Variants in LARP1B observed in about 807,000 individuals in gnomAD.
LARP1B encodes the protein La ribonucleoprotein 1B.
A neutral mutation model predicts 114.2 loss-of-function variants in LARP1B; 76 were observed. The ratio of observed to expected loss-of-function variants is 0.67; its 90% CI spans 0.55 to 0.81. The LOEUF is 0.81. Among genes scored for constraint, LARP1B ranks in the 30% least tolerant of loss-of-function variants. The probability of loss-of-function intolerance (pLI) is 0.00; values close to 1 mark genes in which losing one functional copy is unlikely to be tolerated. For missense variants in LARP1B, 1,014 were observed against 1,075.8 expected, an observed-to-expected ratio of 0.94 and a Z score of 0.80; for synonymous variants, 345 against 348.0, an observed-to-expected ratio of 0.99 and a Z score of 0.10.
chr4:128,089,562 C>T (rs1229968283), intron 5 of LARP1B, among the ~76,000 whole-genome samples: 1 of 152,082 alleles, frequency 6.6e-6, no homozygotes, highest in Non-Finnish European at 1.5e-5. Context: ...TCTCGAACTC[C>T]TGACCTCAAG....
intron 5 of LARP1B, among the ~76,000 whole-genome samples, chr4:128,084,761 TTGA>T (rs1211036173): frequency 6.6e-6 from 1 of 152,144 alleles, no homozygotes; most frequent in Non-Finnish European, 1.5e-5. Flanking sequence ...CCCTGTAACT[TTGA>T]TTATTAGTTT....
chr4:128,074,330 T>A (rs1467168886), intron 1 of LARP1B, 130 bp from the exon 2 acceptor site: 1 of 156,444 alleles, frequency 6.4e-6, no homozygotes, highest in African/African-American at 2.4e-5. Flanking sequence ...GCTAGGAATT[T>A]AAGTCTCAGA....
intron 12 of LARP1B, among the ~76,000 whole-genome samples, chr4:128,173,195 T>C (rs187684671): frequency 8.5e-5 from 13 of 152,262 alleles, no homozygotes; most frequent in African/African-American, 2.9e-4. Context: ...GGCCAGCAAA[T>C]TGTGGCCCAT....
intron 8 of LARP1B, among the ~76,000 whole-genome samples, chr4:128,102,563 C>A (rs1210945555): frequency 9.2e-5 from 14 of 152,138 alleles, no homozygotes. Context: ...TTAGCTGATA[C>A]CCGTATCTGC....
chr4:128,065,918 CAATT>C (rs1480242237), intron 1 of LARP1B, among the ~76,000 whole-genome samples: 2 of 152,122 alleles, frequency 1.3e-5, no homozygotes, highest in Non-Finnish European at 2.9e-5. Context: ...TGGACTCAAG[CAATT>C]CCCCTGCCTT....
chr4:128,191,247 T>A (rs1040649900), intron 15 of LARP1B, among the ~76,000 whole-genome samples: 39 of 152,206 alleles, frequency 2.6e-4, no homozygotes, highest in Non-Finnish European at 8.8e-5. Flanking sequence ...ACACATTGCT[T>A]TTCTTCTCCC....
chr4:128,137,760 T>A (rs1272584564), intron 11 of LARP1B, among the ~76,000 whole-genome samples: 1 of 141,954 alleles, frequency 7.0e-6, no homozygotes, highest in African/African-American at 2.7e-5. Context: ...TACAGAAACG[T>A]GTGTGTATAC....
intron 11 of LARP1B, among the ~76,000 whole-genome samples, chr4:128,126,452 T>G (rs1302003242): frequency 6.6e-6 from 1 of 152,178 alleles, no homozygotes; most frequent in Non-Finnish European, 1.5e-5. Flanking sequence ...GTCAGATTAT[T>G]AAACAAAATA....
chr4:128,220,895 G>A (rs1759966929), intron 7 of LARP1B, among the ~76,000 whole-genome samples: 2 of 152,220 alleles, frequency 1.3e-5, no homozygotes, highest in African/African-American at 2.4e-5. Context: ...CACACAACTA[G>A]TTGAATGGCT....
In LARP1B at chr4:128,083,674, G is replaced by A. The variant is rs1338536820; in HGVS notation, c.358+1369G>A. Among the ~76,000 whole-genome samples the A allele has an allele frequency of 7.1e-3, 542 of 76,266 alleles. 22 individuals carry two copies. Among genetic ancestry groups the A allele is most frequent in the Non-Finnish European group, 0.014 (474 of 33,622 alleles). The allele number at this position is 76,266 out of a possible 152,430, so 50.0% of individuals were successfully genotyped here. Reference sequence around the variant, plus strand: ...GGGCGGCTGGCCAGGTGGGGGGGCTGAGCCCCCCCACCTCCCTCCCGGACA... The same window carrying A: ...GGGCGGCTGGCCAGGTGGGGGGGCTAAGCCCCCCCACCTCCCTCCCGGACA... On this transcript the variant is annotated intron_variant, in intron 5 of 19. Transcript: ENST00000326639.
intron 16 of LARP1B, 25 bp downstream of exon 16, chr4:128,199,624 C>G (rs200565689): frequency 1.6e-6 from 2 of 1,223,568 alleles, no homozygotes; most frequent in East Asian, 5.9e-5. Flanking sequence ...CTTTATCTAT[C>G]TAATATATTT....
chr4:128,080,456 A>C (rs1018085065), intron 4 of LARP1B, among the ~76,000 whole-genome samples: 4 of 152,050 alleles, frequency 2.6e-5, no homozygotes, highest in African/African-American at 9.7e-5. Context: ...TTTATAGTAT[A>C]AGATTAAAAG....
intron 15 of LARP1B, among the ~76,000 whole-genome samples, chr4:128,198,136 C>T (rs192180197): frequency 7.0e-4 from 106 of 152,236 alleles, no homozygotes; most frequent in Middle Eastern, 3.4e-3. Flanking sequence ...CCGCCAACCT[C>T]GGCCTCCCAA....
intron 11 of LARP1B, among the ~76,000 whole-genome samples, chr4:128,144,592 C>T (rs984203057): frequency 1.3e-5 from 2 of 152,012 alleles, no homozygotes; most frequent in African/African-American, 2.4e-5. Flanking sequence ...ACATCAGCCT[C>T]CTGAGTAGCT....
chr4:128,062,592 C>CTTTTTTTTTT lies in LARP1B; in HGVS notation c.-78+1200_-78+1209dup, dbSNP rs10659836. On this transcript the variant is annotated intron_variant, in intron 1 of 19. Transcript: ENST00000326639. ...CTTCGTATGGGAAAGTTTTGGTAGACTTTTTTTTTTTTTTTTTTACATAAA... is the reference window on the plus strand; with the variant it reads ...CTTCGTATGGGAAAGTTTTGGTAGACTTTTTTTTTTTTTTTTTTTTTTTTTTTTACATAAA... 8.3e-4 allele frequency among the ~76,000 whole-genome samples: 107 copies of CTTTTTTTTTT among 128,228 alleles called. 1 individual carries two copies. In the East Asian group the frequency reaches 0.016, roughly 20 times the overall value. The allele number at this position is 128,228 out of a possible 152,430, so 84.1% of individuals were successfully genotyped here.
At chr4:128,099,674 AGT>A (rs1216851163) in intron 8 of LARP1B, among the ~76,000 whole-genome samples, 1 of 151,584 alleles carries the variant, frequency 6.6e-6, no homozygotes, top group African/African-American at 2.4e-5. Context: ...GGTTTTGGAG[AGT>A]GTGAGTAAAG....
intron 10 of LARP1B, 82 bp from the exon 11 acceptor site, chr4:128,121,744 C>T (rs1250021436): frequency 6.1e-6 from 6 of 986,744 alleles, no homozygotes; most frequent in Non-Finnish European, 8.5e-6. Context: ...CTTGATATTA[C>T]TTACTTGTAA....
chr4:128,107,034 C>A, intron 8 of LARP1B, 105 bp from the exon 9 acceptor site: 2 of 861,364 alleles, frequency 2.3e-6, no homozygotes, highest in Non-Finnish European at 1.8e-6. Context: ...ATCTTAACTG[C>A]AAATTAGTTT....
chr4:128,072,886 G>T (rs914055737), intron 1 of LARP1B, among the ~76,000 whole-genome samples: 2 of 151,982 alleles, frequency 1.3e-5, no homozygotes, highest in Non-Finnish European at 2.9e-5. Flanking sequence ...TTTAAAACCT[G>T]GTGGACTTCT....
Sources: allele counts gnomAD v4.1 joint callset (sites outside exome capture counted in the v4.1 genomes callset), GRCh38; gene constraint gnomAD v4.1.1; transcripts MANE v1.5; gene names NCBI Gene and HGNC (gene_info 2026-07-23, HGNC 2026-07-21).